SHROOM3: variants seen among roughly 807,000 people sequenced by gnomAD.
SHROOM3 encodes shroom family member 3, also known as protein Shroom3.
In SHROOM3, 47 loss-of-function variants were observed where a neutral mutation model predicts 138.6. The observed-to-expected ratio is 0.34, with a 90% CI of 0.27 to 0.43. The LOEUF (loss-of-function observed/expected upper bound fraction) is 0.43. SHROOM3 is among the 20% of genes least tolerant of loss of function. The pLI is 1.00. For missense variants in SHROOM3, 2,491 were observed against 2,596.5 expected (o/e 0.96, Z 0.88); for synonymous variants, 1,062 against 1,063.3 (o/e 1.00, Z 0.02).
chr4:76,559,729 A>C (rs1417179148), intron 2 of SHROOM3, among the ~76,000 whole-genome samples: 1 of 152,180 alleles, frequency 6.6e-6, no homozygotes, highest in African/African-American at 2.4e-5. Flanking sequence ...GGATTGTCTT[A>C]CCCAGTGACC....
At chr4:76,770,324 CAAAAAAAAAAAAAAAA>C (rs529468839) in intron 9 of SHROOM3, among the ~76,000 whole-genome samples, 1 of 36,088 alleles carries the variant, frequency 2.8e-5, no homozygotes, top group Non-Finnish European at 6.1e-5. Context: ...AACTCTGTCT[CAAAAAAAAAAAAAAAA>C]AAAAAAAAAA....
chr4:76,641,919 G>T (rs532814086), intron 2 of SHROOM3, among the ~76,000 whole-genome samples: 1 of 152,272 alleles, frequency 6.6e-6, no homozygotes, highest in Admixed American at 6.5e-5. Flanking sequence ...TGCTGGGGAG[G>T]GGAAACCGGT....
At chr4:76,617,365 T>A (rs1734904037) in intron 2 of SHROOM3, among the ~76,000 whole-genome samples, 1 of 152,238 alleles carries the variant, frequency 6.6e-6, no homozygotes, top group Admixed American at 6.5e-5. Flanking sequence ...GTATTAACTT[T>A]TACTCATTTT....
At chr4:76,637,707 T>G (rs1389808718) in intron 2 of SHROOM3, 2 of 152,180 alleles carry the variant, frequency 1.3e-5, no homozygotes, top group African/African-American at 4.8e-5. Context: ...TAAGAATGAA[T>G]CCAAGTTTTG....
intron 2 of SHROOM3, among the ~76,000 whole-genome samples, chr4:76,582,213 C>A (rs768829741): frequency 1.1e-4 from 17 of 152,026 alleles, no homozygotes; most frequent in Non-Finnish European, 2.4e-4. Flanking sequence ...ACCAAGAGTT[C>A]AAGAGGCTGT....
intron 2 of SHROOM3, among the ~76,000 whole-genome samples, chr4:76,610,074 G>A (rs866544586): frequency 2.0e-5 from 3 of 152,170 alleles, no homozygotes; most frequent in African/African-American, 7.2e-5. Flanking sequence ...CTTCATAAAG[G>A]GTAATGAGGA....
intron 2 of SHROOM3, among the ~76,000 whole-genome samples, chr4:76,605,998 T>C (rs1734609357): frequency 9.0e-6 from 1 of 111,276 alleles, no homozygotes; most frequent in South Asian, 3.0e-4. Flanking sequence ...CACATATATA[T>C]ATATATATAT....
At chr4:76,492,782 T>C (rs183423637) in intron 1 of SHROOM3, among the ~76,000 whole-genome samples, 3 of 152,250 alleles carry the variant, frequency 2.0e-5, no homozygotes, top group Admixed American at 2.0e-4. Context: ...ATATTCTACA[T>C]GGTATTGGGC....
intron 1 of SHROOM3, among the ~76,000 whole-genome samples, chr4:76,507,684 G>A (rs997800132): frequency 1.3e-5 from 2 of 151,756 alleles, no homozygotes; most frequent in East Asian, 1.9e-4. Flanking sequence ...GACTACAGGC[G>A]CCCGCCACCA....
At chr4:76,538,607 G>C (rs751426173) in intron 1 of SHROOM3, among the ~76,000 whole-genome samples, 29 of 152,122 alleles carry the variant, frequency 1.9e-4, no homozygotes, top group Non-Finnish European at 3.5e-4. Context: ...GTTCCAACTG[G>C]GTGTGGGTAG....
At chr4:76,574,437 C>T (rs2110039889) in intron 2 of SHROOM3, among the ~76,000 whole-genome samples, 1 of 152,192 alleles carries the variant, frequency 6.6e-6, no homozygotes, top group East Asian at 1.9e-4. Context: ...ACCAAGTCTT[C>T]CCCATGATTC....
At chr4:76,652,898 C>T (rs752314434) in intron 2 of SHROOM3, among the ~76,000 whole-genome samples, 14 of 151,990 alleles carry the variant, frequency 9.2e-5, no homozygotes, top group South Asian at 2.1e-4. Context: ...TTTACCCTCA[C>T]GATCCAGGCA....
intron 1 of SHROOM3, among the ~76,000 whole-genome samples, chr4:76,551,969 C>T (rs1367585388): frequency 6.7e-6 from 1 of 149,900 alleles, no homozygotes; most frequent in African/African-American, 2.5e-5. Context: ...TCACGCCATT[C>T]TCCTGCCTCA....
chr4:76,499,232 C>A (rs72659709), intron 1 of SHROOM3, among the ~76,000 whole-genome samples: 5,266 of 152,304 alleles, frequency 0.035, 104 homozygotes, highest in Middle Eastern at 0.065. Flanking sequence ...CATAGCTCTG[C>A]CACTTCCTAG....
chr4:76,680,994 T>C (rs1162189693), intron 2 of SHROOM3, among the ~76,000 whole-genome samples: 2 of 152,206 alleles, frequency 1.3e-5, no homozygotes, highest in African/African-American at 4.8e-5. Flanking sequence ...ATCATGACAC[T>C]GGTATAAAAG....
At chr4:76,503,248 T>A (rs1407719236) in intron 1 of SHROOM3, among the ~76,000 whole-genome samples, 4 of 151,696 alleles carry the variant, frequency 2.6e-5, no homozygotes, top group Non-Finnish European at 5.9e-5. Flanking sequence ...CATAGAAAAT[T>A]AACATCTAAA....
intron 3 of SHROOM3, among the ~76,000 whole-genome samples, chr4:76,729,757 C>T (rs1232545223): frequency 6.6e-6 from 1 of 152,094 alleles, no homozygotes; most frequent in Non-Finnish European, 1.5e-5. Flanking sequence ...TTTCTGATGT[C>T]CTAATACATT....
intron 1 of SHROOM3, among the ~76,000 whole-genome samples, chr4:76,448,659 T>C (rs1448521662): frequency 1.3e-5 from 2 of 152,192 alleles, no homozygotes; most frequent in Non-Finnish European, 2.9e-5. Flanking sequence ...GCCTTCCCTT[T>C]TCTACCTCAT....
intron 2 of SHROOM3, chr4:76,639,753 TCC>T (rs1453071701): frequency 9.6e-5 from 38 of 395,450 alleles, no homozygotes; most frequent in Non-Finnish European, 7.1e-5. Context: ...TACTCTTCCT[TCC>T]CCCGTTAAGT....
Sources: allele counts gnomAD v4.1 joint callset (sites outside exome capture counted in the v4.1 genomes callset), GRCh38; gene constraint gnomAD v4.1.1; transcripts MANE v1.5; gene names NCBI Gene and HGNC (gene_info 2026-07-23, HGNC 2026-07-21).